The following RAP1B variants were observed in gnomAD, a reference collection of about 807,000 sequenced individuals.
RAP1B encodes the protein RAP1B, member of RAS oncogene family.
A neutral mutation model predicts 27.5 loss-of-function variants in RAP1B; 1 was observed. That is an observed-to-expected ratio of 0.04 (90% CI 0.01 to 0.17). RAP1B has a LOEUF of 0.17. Ranked by LOEUF, RAP1B falls within the 10% of genes least tolerant of loss-of-function variation. RAP1B has a pLI of 1.00. For missense variants in RAP1B, 84 were observed against 214.8 expected, an observed-to-expected ratio of 0.39 and a Z score of 3.81; for synonymous variants, 75 against 73.1, an observed-to-expected ratio of 1.03 and a Z score of -0.13.
intron 1 of RAP1B, among the ~76,000 whole-genome samples, chr12:68,629,338 A>G (rs1397936505): frequency 6.6e-6 from 1 of 152,206 alleles, no homozygotes; most frequent in African/African-American, 2.4e-5. Flanking sequence ...TTGAAATTTA[A>G]TATATGGAAG....
chr12:68,637,083 TA>T (rs1284473173), intron 1 of RAP1B, among the ~76,000 whole-genome samples: 1 of 152,202 alleles, frequency 6.6e-6, no homozygotes, highest in African/African-American at 2.4e-5. Flanking sequence ...ACTCTTCTTT[TA>T]AAAGTCTATA....
At chr12:68,643,373 A>G (rs1271865997) in intron 1 of RAP1B, among the ~76,000 whole-genome samples, 8 of 152,122 alleles carry the variant, frequency 5.3e-5, no homozygotes, top group African/African-American at 1.9e-4. Flanking sequence ...TTCTAGATAA[A>G]TTTTTTGCTT....
intron 1 of RAP1B, among the ~76,000 whole-genome samples, chr12:68,638,260 A>T (rs1001235161): frequency 6.6e-5 from 10 of 151,578 alleles, no homozygotes; most frequent in Non-Finnish European, 1.2e-4. Flanking sequence ...ACCAATTTGT[A>T]TAATCCCTTA....
In RAP1B at chr12:68,660,554, G is replaced by A. The variant is rs1420867274; in HGVS notation, c.*1305G>A. On this transcript the variant is annotated 3_prime_UTR_variant, in exon 8 of 8. Transcript: ENST00000250559. Reference sequence around the variant, plus strand: ...GCCACTTGAATGTGTTTTGTGTAATGTTTTAACAGTGCTAGTAAATAAATA... The same window carrying A: ...GCCACTTGAATGTGTTTTGTGTAATATTTTAACAGTGCTAGTAAATAAATA... 1 of 152,600 alleles carries A rather than the reference G, an allele frequency of 6.6e-6. No homozygotes were observed. The highest frequency in any genetic ancestry group is 1.5e-5 in the Non-Finnish European group (1 of 68,016). The allele number at this position is 152,600 out of a possible 1,614,324, so 9.5% of individuals were successfully genotyped here.
chr12:68,616,293 T>C (rs1443597363), intron 1 of RAP1B, among the ~76,000 whole-genome samples: 2 of 150,716 alleles, frequency 1.3e-5, no homozygotes, highest in African/African-American at 4.9e-5. Context: ...TTTTGTTTTT[T>C]GTTTTTTTTG....
At chr12:68,612,421 T>A (rs1442453024) in intron 1 of RAP1B, among the ~76,000 whole-genome samples, 1 of 152,186 alleles carries the variant, frequency 6.6e-6, no homozygotes, top group Non-Finnish European at 1.5e-5. Flanking sequence ...GTCATGGGAC[T>A]TTTTAAGGGC....
chr12:68,656,266 ATTTAC>A (rs760554025), intron 5 of RAP1B, 35 bp from the exon 6 acceptor site: 171 of 1,534,540 alleles, frequency 1.1e-4, no homozygotes, highest in Non-Finnish European at 1.5e-4. Context: ...CATATAGCAT[ATTTAC>A]TTATTTATTT....
intron 1 of RAP1B, among the ~76,000 whole-genome samples, chr12:68,620,151 T>A (rs1565656868): frequency 6.6e-6 from 1 of 152,110 alleles, no homozygotes; most frequent in Middle Eastern, 3.4e-3. Flanking sequence ...ATCCTTTTTT[T>A]ACCTTTCAGG....
intron 1 of RAP1B, among the ~76,000 whole-genome samples, chr12:68,637,713 T>G (rs2135943327): frequency 6.6e-6 from 1 of 151,982 alleles, no homozygotes; most frequent in Non-Finnish European, 1.5e-5. Context: ...GATTTCATGT[T>G]TTATCACCCT....
rs186403808 is a variant in RAP1B, at chr12:68,663,808, C to T, written c.*4559C>T. On this transcript the variant is annotated 3_prime_UTR_variant, in exon 8 of 8. Coordinates refer to ENST00000250559, the MANE Select transcript of RAP1B (RefSeq NM_001010942.3). ...GTGTTTCAGGCGCTGTTTACAATATCGGAGGTACAGCAGGGATTTTCTGCC... is the reference window on the plus strand; with the variant it reads ...GTGTTTCAGGCGCTGTTTACAATATTGGAGGTACAGCAGGGATTTTCTGCC... 9 of 152,188 alleles carry T rather than the reference C, an allele frequency of 5.9e-5. No individual in the cohort carries two copies. Among genetic ancestry groups the T allele is most frequent in the South Asian group, 2.1e-4 (1 of 4,830 alleles). 9.4% of individuals were successfully genotyped at this position (152,188 alleles called of 1,614,324 possible). A position where few individuals can be genotyped will look rare whatever the true frequency, so the allele number is the denominator to read the frequency against.
intron 1 of RAP1B, among the ~76,000 whole-genome samples, chr12:68,643,597 CTGTT>C (rs1215083089): frequency 3.9e-5 from 6 of 151,976 alleles, no homozygotes; most frequent in African/African-American, 4.8e-5. Flanking sequence ...TTATGCTTAC[CTGTT>C]TGTTTCTTTA....
rs1592476352 is a variant in RAP1B at position 68,662,008 on chromosome 12, C to G, written c.*2759C>G. ...TGAATGCCAGTGCTATCCTCTAGGTCTATATATATATATATATATATATAT... is the reference window on the plus strand; with the variant it reads ...TGAATGCCAGTGCTATCCTCTAGGTGTATATATATATATATATATATATAT... On this transcript the variant is annotated 3_prime_UTR_variant, in exon 8 of 8. Coordinates refer to ENST00000250559, the MANE Select transcript of RAP1B (RefSeq NM_001010942.3). 1 of 133,918 alleles carries G rather than the reference C, an allele frequency of 7.5e-6. No individual in the cohort carries two copies. The highest frequency in any genetic ancestry group is 1.6e-5 in the Non-Finnish European group (1 of 63,400). 8.3% of individuals were successfully genotyped at this position (133,918 alleles called of 1,614,324 possible).
chr12:68,645,680 A>G (rs2135954810), intron 1 of RAP1B, among the ~76,000 whole-genome samples: 1 of 152,352 alleles, frequency 6.6e-6, no homozygotes, highest in South Asian at 2.1e-4. Context: ...ATGCAACCAC[A>G]CCATCCTAAA....
intron 1 of RAP1B, chr12:68,642,757 G>A (rs761162421): frequency 1.1e-5 from 12 of 1,071,554 alleles, no homozygotes; most frequent in Admixed American, 5.1e-5. Flanking sequence ...CCTCTGGCAC[G>A]GGAACCTTCA....
In RAP1B at chr12:68,664,698, G is replaced by C. The variant is rs908754095; in HGVS notation, c.*5449G>C. 1.4e-5 allele frequency: 2 copies of C among 147,766 alleles called. No individual in the cohort carries two copies. Among genetic ancestry groups the C allele is most frequent in the Non-Finnish European group, 3.0e-5 (2 of 66,540 alleles). 9.2% of individuals were successfully genotyped at this position (147,766 alleles called of 1,614,324 possible). On this transcript the variant is annotated 3_prime_UTR_variant, in exon 8 of 8. Transcript: ENST00000250559. ...CACTTCAGCATGGGCAACAGAGTGA[G>C]ACTGCAAAAAAAAGAAAAAGAAAAA...
At chr12:68,648,500 T>G (rs1312458462) in intron 1 of RAP1B, among the ~76,000 whole-genome samples, 199 bp from the exon 2 acceptor site, 1 of 152,206 alleles carries the variant, frequency 6.6e-6, no homozygotes, top group Non-Finnish European at 1.5e-5. Flanking sequence ...TGGATCGGGC[T>G]CAAAGTCATG....
Position 68,666,671 on chromosome 12 carries a change from A to G in RAP1B, c.*7422A>G, listed in dbSNP as rs1344128843. 6.6e-6 allele frequency: 1 copy of G among 152,212 alleles called. No individual in the cohort carries two copies. Among genetic ancestry groups the G allele is most frequent in the South Asian group, 2.1e-4 (1 of 4,836 alleles). 9.4% of individuals were successfully genotyped at this position (152,212 alleles called of 1,614,324 possible). ...ACATCTGCAAAGACACTTTTTTCAA[A>G]TAAAGTTAACAGACAGAAGTTTGGG... On this transcript the variant is annotated 3_prime_UTR_variant, in exon 8 of 8. Coordinates refer to ENST00000250559, the MANE Select transcript of RAP1B (RefSeq NM_001010942.3).
At chr12:68,623,561 G>A (rs564027699) in intron 1 of RAP1B, among the ~76,000 whole-genome samples, 128 of 152,282 alleles carry the variant, frequency 8.4e-4, no homozygotes, top group African/African-American at 3.0e-3. Context: ...CAATATTAAT[G>A]TGGAACATGG....
intron 1 of RAP1B, among the ~76,000 whole-genome samples, chr12:68,644,450 GGTGGGCACCTGTAGTCCCA>G: frequency 6.6e-6 from 1 of 151,906 alleles, no homozygotes; most frequent in Middle Eastern, 3.4e-3. Flanking sequence ...TGGGCGTGAT[GGTGGGCACCTGTAGTCCCA>G]GCTACTCAGG....
Sources: allele counts gnomAD v4.1 joint callset (sites outside exome capture counted in the v4.1 genomes callset), GRCh38; gene constraint gnomAD v4.1.1; transcripts MANE v1.5; gene names NCBI Gene and HGNC (gene_info 2026-07-23, HGNC 2026-07-21).